Variants in LDLRAP1 observed in about 807,000 individuals in gnomAD.
The protein encoded by LDLRAP1 is low density lipoprotein receptor adapter protein 1.
A neutral mutation model predicts 37.8 loss-of-function variants in LDLRAP1; 30 were observed. The observed-to-expected ratio is 0.79, with a 90% CI of 0.59 to 1.08. LDLRAP1 has a LOEUF of 1.08. LDLRAP1 is among the 50% of genes least tolerant of loss of function. The probability of loss-of-function intolerance (pLI) is 0.00; values close to 1 mark genes in which losing one functional copy is unlikely to be tolerated. For missense variants in LDLRAP1, 375 were observed against 401.6 expected, an observed-to-expected ratio of 0.93 and a Z score of 0.57; for synonymous variants, 156 against 169.8, an observed-to-expected ratio of 0.92 and a Z score of 0.63.
At chr1:25,547,394 A>G (rs752474435) in intron 1 of LDLRAP1, among the ~76,000 whole-genome samples, 43 of 151,938 alleles carry the variant, frequency 2.8e-4, no homozygotes, top group Admixed American at 3.3e-4. Flanking sequence ...GAGGCAGGAG[A>G]ATCGCTTGAA....
chr1:25,562,959 A>G (rs2044379207), intron 5 of LDLRAP1, 111 bp from the exon 6 acceptor site: 1 of 1,068,402 alleles, frequency 9.4e-7, no homozygotes, highest in African/African-American at 1.5e-5. Flanking sequence ...CCGGCTGGAA[A>G]CCTGAAACTG....
intron 4 of LDLRAP1, among the ~76,000 whole-genome samples, chr1:25,561,348 G>C (rs2044338278): frequency 6.6e-6 from 1 of 152,202 alleles, no homozygotes; most frequent in South Asian, 2.1e-4. Flanking sequence ...TGTAAATGTT[G>C]GAGACATTCA....
intron 8 of LDLRAP1, among the ~76,000 whole-genome samples, chr1:25,566,231 C>T (rs2044474587): frequency 2.0e-5 from 3 of 151,438 alleles, no homozygotes; most frequent in South Asian, 4.2e-4. Flanking sequence ...TAATCCTATA[C>T]ATATACATTA....
rs1008151481 is a variant in LDLRAP1, at chr1:25,543,697, C to G, written c.-2C>G. The G allele has an allele frequency of 3.3e-6, 4 of 1,214,822 alleles. No individual in the cohort carries two copies. The African/African-American group carries it at 6.3e-5, about 19-fold the overall frequency. 75.3% of individuals were successfully genotyped at this position (1,214,822 alleles called of 1,614,324 possible). A position where few individuals can be genotyped will look rare whatever the true frequency, so the allele number is the denominator to read the frequency against. On this transcript the variant is annotated 5_prime_UTR_variant, in exon 1 of 9. Transcript: ENST00000374338. ...CAGCGGCGGCGGCGGCCGGAGCGGGCCATGGACGCGCTCAAGTCGGCGGGG... is the reference window on the plus strand; with the variant it reads ...CAGCGGCGGCGGCGGCCGGAGCGGGGCATGGACGCGCTCAAGTCGGCGGGG...
chr1:25,571,885 C>T (rs1245296326), downstream of LDLRAP1, among the ~76,000 whole-genome samples: 2 of 152,176 alleles, frequency 1.3e-5, no homozygotes, highest in African/African-American at 4.8e-5. Context: ...CCTGCTGAGC[C>T]CCAGCACGGC....
intron 7 of LDLRAP1, chr1:25,564,900 A>G: frequency 6.1e-6 from 3 of 489,194 alleles, no homozygotes; most frequent in Non-Finnish European, 1.1e-5. Context: ...TCTCACGGGC[A>G]GGTAGCATGG....
At chr1:25,578,531 A>T in the LDLRAP1 span, among the ~76,000 whole-genome samples, 1 of 151,800 alleles carries the variant, frequency 6.6e-6, no homozygotes, top group Admixed American at 6.6e-5. Flanking sequence ...TTTCCTTAAG[A>T]CAAGGTCTCA....
At chr1:25,576,332 G>A in the LDLRAP1 span, among the ~76,000 whole-genome samples, 19 of 152,140 alleles carry the variant, frequency 1.2e-4, no homozygotes, top group African/African-American at 4.1e-4. Flanking sequence ...TTCAAGACCA[G>A]CCTAACCAAC....
the LDLRAP1 span, among the ~76,000 whole-genome samples, chr1:25,577,509 A>C: frequency 6.6e-6 from 1 of 152,220 alleles, no homozygotes; most frequent in Admixed American, 6.5e-5. Context: ...CGCCCAGTGC[A>C]GGAGGCAGAG....
Position 25,555,703 on chromosome 1 carries a change from G to A in LDLRAP1, c.344+731G>A, listed in dbSNP as rs1308288051. Among the ~76,000 whole-genome samples, 1 of 152,192 alleles carries A rather than the reference G, an allele frequency of 6.6e-6. No homozygotes were observed. Among genetic ancestry groups the A allele is most frequent in the Non-Finnish European group, 1.5e-5 (1 of 68,038 alleles). ...GATGGCTCAGCCCGTTGGTGCACAG[G>A]CCAGTAGTAGGGTCAGTAGATGTGT... On this transcript the variant is annotated intron_variant, in intron 3 of 8. Transcript: ENST00000374338. The surrounding 1 kb of genome is among the most constrained non-coding windows in gnomAD (Gnocchi z 4.7).
At chr1:25,588,668 G>T in the LDLRAP1 span, among the ~76,000 whole-genome samples, 7 of 152,240 alleles carry the variant, frequency 4.6e-5, no homozygotes, top group Admixed American at 2.0e-4. Flanking sequence ...CCCAGAGGCC[G>T]GCGTGGATCC....
At chr1:25,587,963 G>A in the LDLRAP1 span, among the ~76,000 whole-genome samples, 7 of 149,770 alleles carry the variant, frequency 4.7e-5, 1 homozygote, top group African/African-American at 1.8e-4. Flanking sequence ...TTGAGATGCT[G>A]TTAATCTGTA....
At position 25,567,022 on chromosome 1, in the gene LDLRAP1, C is replaced by T; in HGVS notation, c.*30C>T. 6.2e-7 allele frequency: 1 copy of T among 1,612,770 alleles called. No homozygotes were observed. Among genetic ancestry groups the T allele is most frequent in the Non-Finnish European group, 8.5e-7 (1 of 1,179,798 alleles). ...CCGGGGCCAGCCGGACACAAGCGGC[C>T]CTGACACGTGATGGACCAAAGCCAC... is the stretch of plus-strand genomic sequence containing the variant. On this transcript the variant is annotated 3_prime_UTR_variant, in exon 9 of 9. Coordinates refer to ENST00000374338, the MANE Select transcript of LDLRAP1 (RefSeq NM_015627.3).
At chr1:25,586,367 G>A in the LDLRAP1 span, among the ~76,000 whole-genome samples, 7 of 152,272 alleles carry the variant, frequency 4.6e-5, no homozygotes, top group Non-Finnish European at 7.4e-5. This position sits in a 1 kb window ranked among gnomAD's most constrained non-coding sequence, Gnocchi z 4.3. Context: ...CTGCCTGAGA[G>A]CTGATTGTGC....
chr1:25,549,651 C>T (rs982089592), intron 1 of LDLRAP1, among the ~76,000 whole-genome samples: 2 of 152,232 alleles, frequency 1.3e-5, no homozygotes, highest in African/African-American at 4.8e-5. Flanking sequence ...CAGGGCTGTG[C>T]ACTCAGGCCT....
intron 3 of LDLRAP1, among the ~76,000 whole-genome samples, chr1:25,556,615 AGC>A (rs1313240170): frequency 6.6e-6 from 1 of 152,126 alleles, no homozygotes; most frequent in African/African-American, 2.4e-5. Flanking sequence ...GGCATTGGTG[AGC>A]AGGGGAGTGT....
intron 4 of LDLRAP1, among the ~76,000 whole-genome samples, chr1:25,561,066 A>G (rs1254341970): frequency 6.6e-6 from 1 of 152,288 alleles, no homozygotes; most frequent in Non-Finnish European, 1.5e-5. Context: ...CTACAGTCTA[A>G]GCTTGTGTCT....
chr1:25,551,203 T>C (rs1298922414), intron 1 of LDLRAP1, among the ~76,000 whole-genome samples: 2 of 152,186 alleles, frequency 1.3e-5, no homozygotes, highest in African/African-American at 4.8e-5. Context: ...TTCTTTCCAT[T>C]GCTGTCCTTG....
chr1:25,584,397 T>C, the LDLRAP1 span, among the ~76,000 whole-genome samples: 4 of 152,204 alleles, frequency 2.6e-5, no homozygotes, highest in East Asian at 7.7e-4. Flanking sequence ...ATGGCAGGCA[T>C]GTGGACTGCT....
Sources: allele counts gnomAD v4.1 joint callset (sites outside exome capture counted in the v4.1 genomes callset), GRCh38; gene constraint gnomAD v4.1.1; non-coding constraint Gnocchi (gnomAD v3.1); transcripts MANE v1.5; gene names NCBI Gene and HGNC (gene_info 2026-07-23, HGNC 2026-07-21).